ELSPBP1: variants seen among roughly 807,000 people sequenced by gnomAD.
ELSPBP1 encodes epididymal sperm-binding protein 1.
A neutral mutation model predicts 33.3 loss-of-function variants in ELSPBP1; 38 were observed. The ratio of observed to expected loss-of-function variants is 1.14; its 90% CI spans 0.88 to 1.50. The LOEUF (loss-of-function observed/expected upper bound fraction) is 1.50, where lower values mean the gene tolerates loss of function less well. Among genes scored for constraint, ELSPBP1 ranks in the 40% most tolerant of loss-of-function variants. ELSPBP1 has a pLI of 0.00. For synonymous variants in ELSPBP1, 85 were observed against 94.1 expected (o/e 0.90, Z 0.56); for missense variants, 267 against 263.5 (o/e 1.01, Z -0.09).
At chr19:47,997,586 CTTAT>C (rs146065312) in intron 1 of ELSPBP1, among the ~76,000 whole-genome samples, 1,777 of 151,396 alleles carry the variant, frequency 0.012, 18 homozygotes, top group East Asian at 0.046. Flanking sequence ...TTTTCTTTTC[CTTAT>C]TTATTTATTT....
chr19:48,012,990 C>G (rs866332720), intron 2 of ELSPBP1, among the ~76,000 whole-genome samples: 4 of 152,190 alleles, frequency 2.6e-5, no homozygotes, highest in African/African-American at 9.6e-5. Flanking sequence ...CCCCACCCCC[C>G]TCTCTTTTTT....
intron 1 of ELSPBP1, among the ~76,000 whole-genome samples, chr19:47,997,719 A>G (rs1966924600): frequency 6.6e-6 from 1 of 152,104 alleles, no homozygotes; most frequent in African/African-American, 2.4e-5. Flanking sequence ...CTGATGTGAT[A>G]TTTTGATACA....
chr19:48,020,771 G>A (rs536553240), intron 5 of ELSPBP1, among the ~76,000 whole-genome samples: 1 of 152,098 alleles, frequency 6.6e-6, no homozygotes, highest in Non-Finnish European at 1.5e-5. Context: ...CCTTTCTCAT[G>A]TCCTACACTC....
intron 1 of ELSPBP1, among the ~76,000 whole-genome samples, chr19:48,006,568 G>A (rs1395316987): frequency 7.1e-6 from 1 of 141,130 alleles, no homozygotes; most frequent in African/African-American, 2.6e-5. Flanking sequence ...GAGCTGAGGT[G>A]GTGCCACTGC....
chr19:48,013,944 A>G (rs1967103119), intron 2 of ELSPBP1, among the ~76,000 whole-genome samples: 1 of 151,986 alleles, frequency 6.6e-6, no homozygotes, highest in East Asian at 1.9e-4. Flanking sequence ...GGTCTCTTAT[A>G]AGGGTTCTTA....
At chr19:48,024,077 T>A (rs1453389854) in intron 6 of ELSPBP1, among the ~76,000 whole-genome samples, 1 of 147,998 alleles carries the variant, frequency 6.8e-6, no homozygotes, top group East Asian at 2.0e-4. Flanking sequence ...AGAGACGGGG[T>A]TTCACCATGT....
Position 48,022,293 on chromosome 19 carries a change from A to G in ELSPBP1, c.638A>G (p.Asn213Ser), listed in dbSNP as rs1460750895. ...CTTGTGTGGTGTGCAACTTCTTACAACTACGACCAAGACCACACCTGGGTG... is the reference window on the plus strand; with the variant it reads ...CTTGTGTGGTGTGCAACTTCTTACAGCTACGACCAAGACCACACCTGGGTG... The part of the protein sequence containing the change: ...ENLVWCATSY[N>S]YDQDHTWVYC Residue 213 changes from asparagine to serine, a missense_variant, in exon 6 of 7, where the codon AAC (asparagine) becomes AGC (serine). Transcript: ENST00000339841. 8 of 1,613,130 alleles carry G rather than the reference A, an allele frequency of 5.0e-6. No individual in the cohort carries two copies. Among genetic ancestry groups the G allele is most frequent in the Admixed American group, 1.7e-5 (1 of 59,930 alleles).
chr19:48,004,193 C>A (rs1031567617), intron 1 of ELSPBP1, among the ~76,000 whole-genome samples: 10 of 152,000 alleles, frequency 6.6e-5, no homozygotes, highest in Admixed American at 6.6e-4. Flanking sequence ...ATCTGCCCGC[C>A]TCGGCCTCCC....
At chr19:48,008,526 G>A (rs928890494) in intron 1 of ELSPBP1, 125 bp from the exon 2 acceptor site, 17 of 661,912 alleles carry the variant, frequency 2.6e-5, no homozygotes, top group Non-Finnish European at 4.5e-5. Context: ...GAGCTACCAT[G>A]CCTGGTCTAT....
chr19:48,004,827 A>C (rs185729298), intron 1 of ELSPBP1, among the ~76,000 whole-genome samples: 4 of 152,196 alleles, frequency 2.6e-5, no homozygotes, highest in Non-Finnish European at 5.9e-5. Flanking sequence ...CTGCATACTC[A>C]TCGTGTAGCC....
intron 6 of ELSPBP1, among the ~76,000 whole-genome samples, chr19:48,023,151 G>GAGGGAGGGAAGGAAGGAGGA (rs1206112869): frequency 3.4e-5 from 5 of 148,374 alleles, no homozygotes; most frequent in Non-Finnish European, 6.0e-5. Flanking sequence ...AGAAAGGAGG[G>GAGGGAGGGAAGGAAGGAGGA]AGGGAGGGAA....
chr19:48,007,203 A>G (rs73565589), intron 1 of ELSPBP1, among the ~76,000 whole-genome samples: 20,097 of 152,170 alleles, frequency 0.13, 4,375 homozygotes, highest in African/African-American at 0.45. Flanking sequence ...AGACACAGGA[A>G]CGACTAAATA....
Position 48,014,158 on chromosome 19 carries a change from T to C in ELSPBP1, c.71-13T>C. ...ATTCTTCCCCACTCCTGTTTTCTCC[T>C]TCTGCCCTTCAGGGATGCATGAGGA... On this transcript the variant is annotated splice_polypyrimidine_tract_variant and intron_variant, in intron 2 of 6. Coordinates refer to ENST00000339841, the MANE Select transcript of ELSPBP1 (RefSeq NM_022142.5). 6.2e-7 allele frequency: 1 copy of C among 1,612,106 alleles called. No homozygotes were observed. The highest frequency in any genetic ancestry group is 1.1e-5 in the South Asian group (1 of 90,822).
intron 1 of ELSPBP1, among the ~76,000 whole-genome samples, chr19:47,997,003 C>T (rs1445876561): frequency 6.6e-6 from 1 of 152,154 alleles, no homozygotes; most frequent in Admixed American, 6.6e-5. Flanking sequence ...CCCAACAACT[C>T]TATGAAGTAG....
intron 4 of ELSPBP1, 25 bp from the exon 5 acceptor site, chr19:48,019,694 G>T (rs200831715): frequency 6.2e-7 from 1 of 1,608,410 alleles, no homozygotes; most frequent in South Asian, 1.1e-5. Flanking sequence ...TTCTTGACCC[G>T]TAACCTTTCC....
intron 6 of ELSPBP1, 132 bp downstream of exon 6, chr19:48,022,466 C>A: frequency 1.3e-6 from 1 of 756,532 alleles, no homozygotes. Flanking sequence ...GATGTGAAGG[C>A]GAGATCTGTT....
At chr19:47,999,093 T>C (rs1345886251) in intron 1 of ELSPBP1, among the ~76,000 whole-genome samples, 1 of 152,186 alleles carries the variant, frequency 6.6e-6, no homozygotes, top group Non-Finnish European at 1.5e-5. Flanking sequence ...TGGCTGACTC[T>C]AGGTTTTGGT....
intron 4 of ELSPBP1, among the ~76,000 whole-genome samples, chr19:48,016,293 T>C (rs145793449): frequency 1.3e-5 from 2 of 152,276 alleles, no homozygotes; most frequent in East Asian, 3.9e-4. Flanking sequence ...AGTCCTGATA[T>C]TGGCTTCTGA....
At chr19:48,010,145 G>A (rs969388956) in intron 2 of ELSPBP1, among the ~76,000 whole-genome samples, 10 of 152,186 alleles carry the variant, frequency 6.6e-5, no homozygotes, top group Admixed American at 5.9e-4. Context: ...AACTGATTTC[G>A]GTGAACACAC....
Sources: gnomAD v4.1 joint callset for allele counts (sites outside exome capture counted in the v4.1 genomes callset) on GRCh38, gnomAD v4.1.1 for gene constraint, MANE v1.5 for transcripts, NCBI Gene and HGNC (gene_info 2026-07-23, HGNC 2026-07-21) for gene names.